Variants in TBPL1 observed in about 807,000 individuals in gnomAD.
TBPL1 encodes TATA box-binding protein-like 1.
TBPL1 carries 4 observed loss-of-function variants against 22.1 expected under a neutral mutation model. The ratio of observed to expected loss-of-function variants is 0.18; its 90% CI spans 0.09 to 0.41. The LOEUF is 0.41. TBPL1 is among the 10% of genes least tolerant of loss of function. TBPL1 has a pLI of 1.00. For missense variants in TBPL1, 115 were observed against 222.3 expected (o/e 0.52, Z 3.07); for synonymous variants, 64 against 71.0 (o/e 0.90, Z 0.50).
At chr6:133,964,512 A>G (rs1416744650) in intron 1 of TBPL1, among the ~76,000 whole-genome samples, 1 of 147,294 alleles carries the variant, frequency 6.8e-6, no homozygotes, top group Admixed American at 6.8e-5. Flanking sequence ...GTGCAGTGGC[A>G]CCATCTTGGC....
intron 1 of TBPL1, among the ~76,000 whole-genome samples, chr6:133,972,698 T>C (rs887745873): frequency 7.2e-5 from 11 of 152,026 alleles, no homozygotes; most frequent in Non-Finnish European, 1.5e-4. Flanking sequence ...GTTTGTTTGT[T>C]TGTTTGTTTT....
At chr6:133,968,569 G>C (rs1055438236) in intron 1 of TBPL1, among the ~76,000 whole-genome samples, 2 of 152,150 alleles carry the variant, frequency 1.3e-5, no homozygotes, top group African/African-American at 4.8e-5. Flanking sequence ...AGAGGTAAAT[G>C]GTATTGTGTT....
At chr6:133,964,993 T>A (rs1776094284) in intron 1 of TBPL1, among the ~76,000 whole-genome samples, 1 of 152,218 alleles carries the variant, frequency 6.6e-6, no homozygotes, top group Admixed American at 6.5e-5. Flanking sequence ...GTTTGAGCCC[T>A]GCATTCACAC....
At chr6:133,954,857 G>C (rs917762372) in intron 1 of TBPL1, among the ~76,000 whole-genome samples, 5 of 152,076 alleles carry the variant, frequency 3.3e-5, no homozygotes, top group African/African-American at 1.2e-4. Flanking sequence ...ATGTGCCCTT[G>C]ATTGGGCTGG....
intron 1 of TBPL1, among the ~76,000 whole-genome samples, chr6:133,961,465 C>CTTTTTT (rs61695774): frequency 7.0e-5 from 7 of 100,204 alleles, no homozygotes; most frequent in East Asian, 2.6e-4. Context: ...TTCTTTCTTT[C>CTTTTTT]TTTTTTTTTT....
rs147079166 is a variant in TBPL1, at chr6:133,958,981, A to G, written c.-45+5556A>G. On this transcript the variant is annotated intron_variant, in intron 1 of 6. Coordinates refer to ENST00000237264, the MANE Select transcript of TBPL1 (RefSeq NM_004865.4). ...GAGAGGAAATGATCATGACTGTTGC[A>G]CCAAATAGATAGAGATATATATTTC... is the stretch of plus-strand genomic sequence containing the variant. Among the ~76,000 whole-genome samples, 1,256 of 152,202 alleles carry G rather than the reference A, an allele frequency of 8.3e-3. 36 individuals carry two copies. Among genetic ancestry groups the G allele is most frequent in the Admixed American group, 0.061 (933 of 15,264 alleles).
In TBPL1 at chr6:133,971,381, A is replaced by G. The variant is rs138895647; in HGVS notation, c.-44-8701A>G. Among the ~76,000 whole-genome samples, 916 of 152,334 alleles carry G rather than the reference A, an allele frequency of 6.0e-3. 9 individuals carry two copies. The highest frequency in any genetic ancestry group is 0.02 in the Middle Eastern group (6 of 294). ...ATAGTGCTGCAGTAAATAGCGAAGT[A>G]TAGAAATCTCTTCAACATCCTGATT... is the stretch of plus-strand genomic sequence containing the variant. On this transcript the variant is annotated intron_variant, in intron 1 of 6. Coordinates refer to ENST00000237264, the MANE Select transcript of TBPL1 (RefSeq NM_004865.4).
At chr6:133,985,893 T>A (rs1157966279) in intron 6 of TBPL1, 1 of 152,192 alleles carries the variant, frequency 6.6e-6, no homozygotes, top group Non-Finnish European at 1.5e-5. Flanking sequence ...GCTCTCTGTT[T>A]CTACACTTTG....
intron 1 of TBPL1, among the ~76,000 whole-genome samples, chr6:133,956,739 A>C (rs1446072840): frequency 6.6e-6 from 1 of 152,208 alleles, no homozygotes; most frequent in Non-Finnish European, 1.5e-5. Flanking sequence ...GGCTGTGGGC[A>C]TGCAAATTAC....
intron 1 of TBPL1, among the ~76,000 whole-genome samples, chr6:133,962,377 T>C (rs1223955902): frequency 6.6e-6 from 1 of 152,192 alleles, no homozygotes; most frequent in Non-Finnish European, 1.5e-5. Context: ...ACATGTGAGC[T>C]GGCCTAAAAT....
intron 4 of TBPL1, 71 bp downstream of exon 4, chr6:133,982,951 T>C: frequency 7.1e-7 from 1 of 1,411,456 alleles, no homozygotes; most frequent in East Asian, 2.4e-5. Flanking sequence ...AAAATTGTAA[T>C]AGACTCAAGA....
intron 1 of TBPL1, among the ~76,000 whole-genome samples, chr6:133,977,450 A>C (rs1261418738): frequency 6.6e-6 from 1 of 151,952 alleles, no homozygotes; most frequent in Non-Finnish European, 1.5e-5. Flanking sequence ...AGTTTTACTT[A>C]TATTGTCCTT....
intron 1 of TBPL1, among the ~76,000 whole-genome samples, chr6:133,963,321 G>A (rs1583811278): frequency 6.6e-6 from 1 of 152,098 alleles, no homozygotes; most frequent in Non-Finnish European, 1.5e-5. Context: ...GAAACATCTT[G>A]GAAATATTTT....
intron 1 of TBPL1, among the ~76,000 whole-genome samples, chr6:133,960,476 G>A (rs1404950693): frequency 1.3e-5 from 2 of 148,806 alleles, no homozygotes; most frequent in African/African-American, 5.0e-5. Flanking sequence ...GCTGTGGCCA[G>A]TAATCTTGAA....
chr6:133,978,924 T>C (rs1017878431), intron 1 of TBPL1, among the ~76,000 whole-genome samples: 11 of 152,234 alleles, frequency 7.2e-5, no homozygotes, highest in Non-Finnish European at 1.0e-4. Flanking sequence ...TTTTTATCAT[T>C]TTCTGATCTT....
At chr6:133,959,212 A>G (rs544583128) in intron 1 of TBPL1, among the ~76,000 whole-genome samples, 6 of 151,958 alleles carry the variant, frequency 3.9e-5, no homozygotes, top group African/African-American at 1.2e-4. Context: ...GCTAATTTTT[A>G]TATTTTTAGT....
intron 1 of TBPL1, among the ~76,000 whole-genome samples, chr6:133,969,572 G>A (rs1328313084): frequency 1.3e-5 from 2 of 152,132 alleles, no homozygotes; most frequent in African/African-American, 2.4e-5. Context: ...TTTTACGGGT[G>A]GTAAAATATA....
Position 133,988,098 on chromosome 6 carries a change from GC to G in TBPL1, c.*1060del, listed in dbSNP as rs1477126125. 1 of 152,158 alleles carries G rather than the reference GC, an allele frequency of 6.6e-6. No individual in the cohort carries two copies. Among genetic ancestry groups the G allele is most frequent in the Non-Finnish European group, 1.5e-5 (1 of 68,028 alleles). 9.4% of individuals were successfully genotyped at this position (152,158 alleles called of 1,614,324 possible). A position where few individuals can be genotyped will look rare whatever the true frequency, so the allele number is the denominator to read the frequency against. ...TTTTAACAAGAAGTGCCCATAAGCT[GC>G]CTCTGTGCCACAGTGTAATTATCAA... is the stretch of plus-strand genomic sequence containing the variant. On this transcript the variant is annotated 3_prime_UTR_variant, in exon 7 of 7. Transcript: ENST00000237264.
intron 1 of TBPL1, among the ~76,000 whole-genome samples, chr6:133,973,897 A>C (rs1433098034): frequency 6.6e-6 from 1 of 152,006 alleles, no homozygotes; most frequent in Admixed American, 6.6e-5. Context: ...GTGGGCAAAT[A>C]ATTGGTATTT....
Sources: allele counts gnomAD v4.1 joint callset (sites outside exome capture counted in the v4.1 genomes callset), GRCh38; gene constraint gnomAD v4.1.1; transcripts MANE v1.5; gene names NCBI Gene and HGNC (gene_info 2026-07-23, HGNC 2026-07-21).